The following KIFC3 variants were observed in gnomAD, a reference collection of about 807,000 sequenced individuals.
The protein encoded by KIFC3 is kinesin family member C3, also known as kinesin-like protein KIFC3.
Under a neutral mutation model 101.8 loss-of-function variants are expected in KIFC3, and 60 were observed. The ratio of observed to expected loss-of-function variants is 0.59; its 90% CI spans 0.48 to 0.73. KIFC3 has a LOEUF of 0.73. KIFC3 is among the 30% of genes least tolerant of loss of function. The probability of loss-of-function intolerance (pLI) is 0.00; values close to 1 mark genes in which losing one functional copy is unlikely to be tolerated. For missense variants in KIFC3, 966 were observed against 1,137.1 expected, an observed-to-expected ratio of 0.85 and a Z score of 2.16; for synonymous variants, 476 against 482.7, an observed-to-expected ratio of 0.99 and a Z score of 0.18.
chr16:57,822,691 C>T (rs2055377411), intron 1 of KIFC3, among the ~76,000 whole-genome samples: 1 of 151,780 alleles, frequency 6.6e-6, no homozygotes, highest in African/African-American at 2.4e-5. Context: ...AGCAAGACTC[C>T]ATCTCAAAAA....
At chr16:57,838,541 G>A (rs1446983712) in intron 1 of KIFC3, among the ~76,000 whole-genome samples, 1 of 152,190 alleles carries the variant, frequency 6.6e-6, no homozygotes, top group East Asian at 1.9e-4. Flanking sequence ...GGAAAGCACA[G>A]CCCCGAGTGG....
At chr16:57,787,328 A>G (rs1319484540) in intron 3 of KIFC3, among the ~76,000 whole-genome samples, 1 of 152,238 alleles carries the variant, frequency 6.6e-6, no homozygotes, top group East Asian at 1.9e-4. Flanking sequence ...ATGGACATGC[A>G]CAGGTGTGGG....
chr16:57,788,236 G>A (rs1249144292), intron 3 of KIFC3, among the ~76,000 whole-genome samples: 2 of 152,194 alleles, frequency 1.3e-5, no homozygotes, highest in East Asian at 3.9e-4. Context: ...TGGCGTCTGT[G>A]AGGCTGCCAC....
chr16:57,827,176 A>G (rs80237371), intron 1 of KIFC3, among the ~76,000 whole-genome samples: 12,578 of 152,314 alleles, frequency 0.083, 927 homozygotes, highest in East Asian at 0.21. Flanking sequence ...GAGAAAAGCT[A>G]AAAGGAAGCA....
At chr16:57,771,100 CT>C (rs1450102605) in intron 6 of KIFC3, 97 bp downstream of exon 6, 7 of 1,438,878 alleles carry the variant, frequency 4.9e-6, no homozygotes, top group African/African-American at 1.4e-5. Context: ...CCACACACAC[CT>C]ACCTATTCAC....
chr16:57,815,511 C>A, intron 1 of KIFC3: 1 of 1,273,914 alleles, frequency 7.8e-7, no homozygotes, highest in Admixed American at 2.4e-5. Flanking sequence ...GGGACCACAT[C>A]AGCACCTGGC....
chr16:57,810,731 CTT>C, intron 1 of KIFC3: 5 of 969,088 alleles, frequency 5.2e-6, no homozygotes, highest in Non-Finnish European at 6.1e-6. Flanking sequence ...GGGAAAAACT[CTT>C]TACACACAGG....
chr16:57,855,179 C>A (rs1427964164), intron 1 of KIFC3, among the ~76,000 whole-genome samples: 4 of 137,644 alleles, frequency 2.9e-5, no homozygotes, highest in African/African-American at 1.1e-4. Context: ...GGCTGGAGTG[C>A]AATGGTGTCA....
At position 57,837,554 on chromosome 16, in the gene KIFC3, G is replaced by GAAAGAAAGAAAGA. The variant is rs1555480639; in HGVS notation, c.108+25174_108+25175insTCTTTCTTTCTTT. The stretch of plus-strand genomic sequence containing the variant: ...AAGAAAGAAAGAGAAAGGAAGGAAG[G>GAAAGAAAGAAAGA]AAGAAAGAAAGAAAGAAAGAAAGAA... On this transcript the variant is annotated intron_variant, in intron 1 of 2. Coordinates refer to the KIFC3 transcript ENST00000563028. Among the ~76,000 whole-genome samples, 484 of 100,002 alleles carry GAAAGAAAGAAAGA rather than the reference G, an allele frequency of 4.8e-3. 4 individuals carry two copies. The highest frequency in any genetic ancestry group is 0.012 in the African/African-American group (344 of 29,572). The allele number at this position is 100,002 out of a possible 152,430, so 65.6% of individuals were successfully genotyped here.
rs909714823 is a variant in KIFC3, at chr16:57,846,601, C to T, written c.108+16128G>A. On this transcript the variant is annotated intron_variant, in intron 1 of 2. Coordinates refer to the KIFC3 transcript ENST00000563028. ...AGGAAGCTGCTCGCAGACAGCCCAT[C>T]CTCCCTCCTTTCTCCCCCACTCCAT... The T allele has an allele frequency of 9.8e-5, 15 of 152,332 alleles. 1 individual carries two copies. Among genetic ancestry groups the T allele is most frequent in the African/African-American group, 3.4e-4 (14 of 41,446 alleles). 9.4% of individuals were successfully genotyped at this position (152,332 alleles called of 1,614,324 possible). A position where few individuals can be genotyped will look rare whatever the true frequency, so the allele number is the denominator to read the frequency against.
chr16:57,838,146 C>A (rs1008291638), intron 1 of KIFC3, among the ~76,000 whole-genome samples: 1 of 152,214 alleles, frequency 6.6e-6, no homozygotes, highest in Non-Finnish European at 1.5e-5. Flanking sequence ...CCACACAATG[C>A]AAGCAAATCT....
At chr16:57,787,716 A>C (rs2053477220) in intron 3 of KIFC3, among the ~76,000 whole-genome samples, 2 of 152,186 alleles carry the variant, frequency 1.3e-5, no homozygotes, top group African/African-American at 4.8e-5. Context: ...CCCCTGCCCG[A>C]GGCTGGCCTG....
Position 57,798,080 on chromosome 16 carries a change from A to G in KIFC3, c.164T>C (p.Leu55Ser). ...TAAAAATGCGGACTCACCAGTTCTC[A>G]ACCTCCCCGGGCCGGTGTGTGGGAA... is the stretch of plus-strand genomic sequence containing the variant. ...RPFPHTGPGRLRTGRGKDTPV... is the reference protein window; with the variant it reads ...RPFPHTGPGRSRTGRGKDTPV... Residue 55 changes from leucine to serine, a missense_variant, in exon 2 of 20, where the codon TTG becomes TCG. Leu to Ser is a moderately radical substitution (Grantham distance 145). This residue lies in a region of KIFC3 where 277 missense variants were observed against 252.5 expected (regional missense o/e 1.10). Transcript: ENST00000445690. 6.3e-7 allele frequency: 1 copy of G among 1,592,526 alleles called. No individual in the cohort carries two copies. The highest frequency in any genetic ancestry group is 8.5e-7 in the Non-Finnish European group (1 of 1,169,890).
chr16:57,840,823 T>C (rs1324430259), intron 1 of KIFC3, among the ~76,000 whole-genome samples: 3 of 150,796 alleles, frequency 2.0e-5, no homozygotes, highest in Non-Finnish European at 4.4e-5. Context: ...TCACCCCAGC[T>C]GTCACCAAGT....
Position 57,765,552 on chromosome 16 carries a change from G to C in KIFC3, c.1419C>G (p.Ala473=). Residue 473 remains alanine (A), a synonymous_variant, in exon 11 of 20, where the codon GCC becomes GCG. Transcript: ENST00000445690. The part of the protein sequence containing the change: ...PEATNAVTFD[A]DDDSIIHLLH... ...GCAGGTGGATGATGGAGTCGTCGTC[G>C]GCATCGAAAGTCACAGCATTGGTGG... 1 of 1,605,054 alleles carries C rather than the reference G, an allele frequency of 6.2e-7. No homozygotes were observed. Among genetic ancestry groups the C allele is most frequent in the African/African-American group, 1.3e-5 (1 of 74,934 alleles).
At chr16:57,789,544 G>C (rs74022049) in intron 3 of KIFC3, among the ~76,000 whole-genome samples, 2,094 of 152,302 alleles carry the variant, frequency 0.014, 53 homozygotes, top group African/African-American at 0.048. Context: ...GGAAGATTCG[G>C]GGGGGATGGT....
Position 57,785,564 on chromosome 16 carries a change from T to G in KIFC3, c.315+9435A>C, listed in dbSNP as rs369377524. 5.0e-4 allele frequency: 650 copies of G among 1,288,202 alleles called. 3 individuals carry two copies. In the African/African-American group the frequency reaches 9.4e-3, roughly 19 times the overall value. The allele number at this position is 1,288,202 out of a possible 1,614,324, so 79.8% of individuals were successfully genotyped here. A position where few individuals can be genotyped will look rare whatever the true frequency, so the allele number is the denominator to read the frequency against. On this transcript the variant is annotated intron_variant, in intron 3 of 19. Transcript: ENST00000445690. Reference sequence around the variant, plus strand: ...CTCCTCCTGTAGCTGGGTCTTCTCGTCCTGGAGCTGGGACATGGCCTCCAC... The same window carrying G: ...CTCCTCCTGTAGCTGGGTCTTCTCGGCCTGGAGCTGGGACATGGCCTCCAC...
Position 57,799,137 on chromosome 16 carries a change from C to T in KIFC3, c.-39-855G>A, listed in dbSNP as rs191596002. On this transcript the variant is annotated intron_variant, in intron 1 of 19. Coordinates refer to ENST00000445690, the MANE Select transcript of KIFC3 (RefSeq NM_001130100.2). The stretch of plus-strand genomic sequence containing the variant: ...GAGAGCATTGGTCAGGGATAGAAAG[C>T]TTCAGTCAGGGATAGGTCCCTCATG... Among the ~76,000 whole-genome samples, 3 of 152,326 alleles carry T rather than the reference C, an allele frequency of 2.0e-5. No homozygotes were observed. In the East Asian group the frequency reaches 5.8e-4, roughly 29 times the overall value.
intron 1 of KIFC3, among the ~76,000 whole-genome samples, chr16:57,812,192 G>A (rs888489329): frequency 6.6e-6 from 1 of 151,556 alleles, no homozygotes; most frequent in Non-Finnish European, 1.5e-5. Flanking sequence ...ACAGGCGCCC[G>A]CCACCTCGCC....
Sources: gnomAD v4.1 joint callset for allele counts (sites outside exome capture counted in the v4.1 genomes callset) on GRCh38, gnomAD v4.1.1 for gene constraint, gnomAD v4.1.1 regional missense constraint, MANE v1.5 for transcripts, NCBI Gene and HGNC (gene_info 2026-07-23, HGNC 2026-07-21) for gene names.